The following SLIT2 variants were observed in gnomAD, a reference collection of about 807,000 sequenced individuals.
SLIT2 encodes slit homolog 2 protein.
A neutral mutation model predicts 185.7 loss-of-function variants in SLIT2; 41 were observed. The ratio of observed to expected loss-of-function variants is 0.22; its 90% CI spans 0.17 to 0.29. The LOEUF (loss-of-function observed/expected upper bound fraction) is 0.29, where lower values mean the gene tolerates loss of function less well. Among genes scored for constraint, SLIT2 ranks in the 10% least tolerant of loss-of-function variants. The pLI, the probability that SLIT2 is intolerant of heterozygous loss-of-function variation, is 1.00. For synonymous variants in SLIT2, 693 were observed against 680.2 expected (o/e 1.02, Z -0.29); for missense variants, 1,571 against 1,909.0 (o/e 0.82, Z 3.30).
intron 5 of SLIT2, among the ~76,000 whole-genome samples, chr4:20,479,522 A>G (rs985225574): frequency 6.6e-5 from 10 of 152,148 alleles, no homozygotes; most frequent in African/African-American, 1.9e-4. Flanking sequence ...CGCCTCTTCC[A>G]TGAAACATTT....
intron 12 of SLIT2, among the ~76,000 whole-genome samples, chr4:20,522,099 A>G (rs558089727): frequency 6.6e-6 from 1 of 152,266 alleles, no homozygotes; most frequent in East Asian, 1.9e-4. Context: ...TTCTCTCCTT[A>G]TATAATAACA....
intron 22 of SLIT2, among the ~76,000 whole-genome samples, chr4:20,547,610 A>G (rs950666787): frequency 2.0e-5 from 3 of 151,738 alleles, no homozygotes; most frequent in African/African-American, 4.8e-5. Flanking sequence ...TGAATCTTCC[A>G]TTTATTCATA....
intron 4 of SLIT2, among the ~76,000 whole-genome samples, chr4:20,312,821 A>G (rs1718244218): frequency 6.6e-6 from 1 of 151,120 alleles, no homozygotes; most frequent in Non-Finnish European, 1.5e-5. Flanking sequence ...ATTTTAGAGT[A>G]GGGCTTTTAA....
chr4:20,529,122 T>A (rs200189486), intron 16 of SLIT2, 23 bp downstream of exon 16: 1 of 1,560,234 alleles, frequency 6.4e-7, no homozygotes, highest in Non-Finnish European at 8.7e-7. Context: ...CCCAACAAAA[T>A]TCTGGTTGGG....
chr4:20,594,233 A>C (rs559427467), intron 30 of SLIT2, among the ~76,000 whole-genome samples: 1 of 149,720 alleles, frequency 6.7e-6, no homozygotes, highest in South Asian at 2.1e-4. Flanking sequence ...ATGTATGTAC[A>C]TGTGTATATA....
chr4:20,556,547 G>C (rs1020656646), intron 26 of SLIT2, among the ~76,000 whole-genome samples: 2 of 151,894 alleles, frequency 1.3e-5, no homozygotes, highest in African/African-American at 4.8e-5. Flanking sequence ...TTTGTGAAAT[G>C]CTCTTGGAAG....
chr4:20,526,351 G>T (rs1420775482), intron 15 of SLIT2, among the ~76,000 whole-genome samples: 1 of 152,028 alleles, frequency 6.6e-6, no homozygotes, highest in East Asian at 1.9e-4. Context: ...ATGTTGAAAA[G>T]AACAGTTGAT....
intron 26 of SLIT2, among the ~76,000 whole-genome samples, chr4:20,557,075 A>G (rs1021156778): frequency 1.3e-5 from 2 of 152,082 alleles, no homozygotes; most frequent in African/African-American, 4.8e-5. Context: ...GGAAGCTAGC[A>G]GAGGTTGATT....
rs763342284 is a variant in SLIT2 at position 20,254,321 on chromosome 4, C to A, written c.179+327C>A. ...TGGAGGATGCCCGGGGCAAGTGAGA[C>A]GCCACTTTGTTCTCCAGAGTCCATA... On this transcript the variant is annotated intron_variant, in intron 1 of 36. Transcript: ENST00000504154. The surrounding 1 kb of genome is among the most constrained non-coding windows in gnomAD (Gnocchi z 5.1). 6.6e-6 allele frequency among the ~76,000 whole-genome samples: 1 copy of A among 152,146 alleles called. No homozygotes were observed.
intron 4 of SLIT2, among the ~76,000 whole-genome samples, chr4:20,284,037 C>T (rs1715039136): frequency 6.6e-6 from 1 of 152,086 alleles, no homozygotes; most frequent in African/African-American, 2.4e-5. Context: ...AGTAGATGTA[C>T]AAGAAATACA....
chr4:20,404,464 G>A (rs1726609492), intron 4 of SLIT2, among the ~76,000 whole-genome samples: 2 of 151,972 alleles, frequency 1.3e-5, no homozygotes, highest in Non-Finnish European at 2.9e-5. Flanking sequence ...GTTTCATAAG[G>A]TTAAGTTTTG....
At chr4:20,321,185 A>G (rs1352735501) in intron 4 of SLIT2, among the ~76,000 whole-genome samples, 1 of 152,148 alleles carries the variant, frequency 6.6e-6, no homozygotes, top group African/African-American at 2.4e-5. Flanking sequence ...GCTCTCCTCC[A>G]AACCAATGTC....
chr4:20,427,465 A>T (rs982209168), intron 4 of SLIT2, among the ~76,000 whole-genome samples: 3 of 152,222 alleles, frequency 2.0e-5, no homozygotes, highest in African/African-American at 4.8e-5. Flanking sequence ...GTTTGTCATT[A>T]TGGATTCTAA....
At chr4:20,384,443 A>G (rs1401738124) in intron 4 of SLIT2, among the ~76,000 whole-genome samples, 1 of 152,178 alleles carries the variant, frequency 6.6e-6, no homozygotes, top group Non-Finnish European at 1.5e-5. Flanking sequence ...TGACAGTTTT[A>G]GTGGTTACAT....
At chr4:20,293,005 G>T (rs1030508126) in intron 4 of SLIT2, among the ~76,000 whole-genome samples, 4 of 152,116 alleles carry the variant, frequency 2.6e-5, no homozygotes, top group Admixed American at 1.3e-4. Flanking sequence ...CACTTTAAGT[G>T]GATTTCTGTA....
At chr4:20,536,644 A>G (rs193011855) in intron 18 of SLIT2, among the ~76,000 whole-genome samples, 265 of 151,046 alleles carry the variant, frequency 1.8e-3, no homozygotes, top group African/African-American at 5.9e-3. Context: ...GTATTTCTTC[A>G]GTAATAAATT....
Position 20,567,277 on chromosome 4 carries a change from A to G in SLIT2, c.2741A>G (p.Asn914Ser), listed in dbSNP as rs751425867. Residue 914 changes from asparagine (N) to serine (S), a missense_variant, in exon 27 of 37, where the codon AAT becomes AGT. Coordinates refer to ENST00000504154, the MANE Select transcript of SLIT2 (RefSeq NM_004787.4). The stretch of plus-strand genomic sequence containing the variant: ...TAATTTTCAGGTCCTGTGGATGTCA[A>G]TATTCTAGCTAAGTGTAACCCCTGC... ...KFTCQGPVDV[N>S]ILAKCNPCLS... The G allele has an allele frequency of 6.8e-6, 11 of 1,609,222 alleles. No individual in the cohort carries two copies. The highest frequency in any genetic ancestry group is 1.7e-4 in the Middle Eastern group (1 of 6,056).
chr4:20,349,407 G>A (rs1422855616), intron 4 of SLIT2, among the ~76,000 whole-genome samples: 1 of 152,126 alleles, frequency 6.6e-6, no homozygotes, highest in Non-Finnish European at 1.5e-5. Context: ...ATTGAGATTG[G>A]ATACTGTCAC....
intron 30 of SLIT2, 118 bp from the exon 31 acceptor site, chr4:20,595,579 C>G: frequency 3.1e-6 from 4 of 1,280,414 alleles, no homozygotes; most frequent in Non-Finnish European, 4.4e-6. Context: ...TGTGGGGGCT[C>G]TATGAGCCTA....
Sources: gnomAD v4.1 joint callset for allele counts (sites outside exome capture counted in the v4.1 genomes callset) on GRCh38, gnomAD v4.1.1 for gene constraint, Gnocchi (gnomAD v3.1) non-coding constraint, MANE v1.5 for transcripts, NCBI Gene and HGNC (gene_info 2026-07-23, HGNC 2026-07-21) for gene names.